The following ADGRD1 variants were observed in gnomAD, a reference collection of about 807,000 sequenced individuals.
ADGRD1 encodes the protein adhesion G protein-coupled receptor D1.
Under a neutral mutation model 113.4 loss-of-function variants are expected in ADGRD1, and 77 were observed. The observed-to-expected ratio is 0.68, with a 90% confidence interval of 0.57 to 0.82. The LOEUF (loss-of-function observed/expected upper bound fraction) is 0.82, where lower values mean the gene tolerates loss of function less well. Ranked by LOEUF, ADGRD1 falls within the 40% of genes least tolerant of loss-of-function variation. The probability of loss-of-function intolerance (pLI) is 0.00; values close to 1 mark genes in which losing one functional copy is unlikely to be tolerated. For synonymous variants in ADGRD1, 474 were observed against 475.0 expected (o/e 1.00, Z 0.03); for missense variants, 1,036 against 1,139.1 (o/e 0.91, Z 1.30).
intron 7 of ADGRD1, among the ~76,000 whole-genome samples, 160 bp from the exon 8 acceptor site, chr12:130,992,077 C>T (rs1406750768): frequency 8.7e-5 from 13 of 149,224 alleles, no homozygotes; most frequent in East Asian, 4.0e-4. Context: ...GCCGAGATTG[C>T]GCCACTGCAC....
rs368967882 is a variant in ADGRD1, at chr12:131,039,655, A to C, written c.1473+25315A>C. Reference sequence around the variant, plus strand: ...CTTTGCCGTTTCAAACATGGGGCGCACCCACCCGAACCCAACCCTGGGGCG... The same window carrying C: ...CTTTGCCGTTTCAAACATGGGGCGCCCCCACCCGAACCCAACCCTGGGGCG... On this transcript the variant is annotated intron_variant, in intron 13 of 24. Coordinates refer to ENST00000261654, the MANE Select transcript of ADGRD1 (RefSeq NM_198827.5). Among the ~76,000 whole-genome samples the C allele has an allele frequency of 1.9e-3, 291 of 152,198 alleles. 2 individuals carry two copies. The highest frequency in any genetic ancestry group is 6.7e-3 in the African/African-American group (280 of 41,524).
chr12:131,097,606 C>A (rs182318127), intron 15 of ADGRD1, among the ~76,000 whole-genome samples: 236 of 152,326 alleles, frequency 1.5e-3, no homozygotes, highest in Non-Finnish European at 2.7e-3. Flanking sequence ...AGTCACAGAT[C>A]CGCCAGGGCC....
Position 130,966,470 on chromosome 12 carries a change from G to A in ADGRD1, c.111G>A (p.Gln37=), listed in dbSNP as rs1871002350. The change falls in exon 3 of 25, where the codon CAG becomes CAA. Residue 37 remains glutamine (Q), a synonymous_variant. Transcript: ENST00000261654. The surrounding 1 kb of genome is among the most constrained non-coding windows in gnomAD (Gnocchi z 4.6). ...YSRSQDHPGF[Q]VLASASHYWP... is the part of the protein sequence containing the mutation. ...TATTCTTTTTTCCCCAAGGATTTCA[G>A]GTGTTGGCGTCTGCTTCCCATTACT... 6.2e-7 allele frequency: 1 copy of A among 1,603,852 alleles called. No homozygotes were observed. The highest frequency in any genetic ancestry group is 8.5e-7 in the Non-Finnish European group (1 of 1,170,622).
chr12:131,141,181 ATTTGTT>A lies in ADGRD1; in HGVS notation c.*1922_*1927del, dbSNP rs1165439996. ...AACTATCTTTAGTTTAGATGGAATT[ATTTGTT>A]TTTAATTGTTGCCGTATTCATCTAT... On this transcript the variant is annotated 3_prime_UTR_variant, in exon 25 of 25. Transcript: ENST00000261654. The A allele has an allele frequency of 6.6e-6, 1 of 152,228 alleles. No homozygotes were observed. Among genetic ancestry groups the A allele is most frequent in the Non-Finnish European group, 1.5e-5 (1 of 68,038 alleles). 9.4% of individuals were successfully genotyped at this position (152,228 alleles called of 1,614,324 possible).
chr12:131,125,720 CTCA>C (rs1423745297), intron 20 of ADGRD1, among the ~76,000 whole-genome samples: 1 of 152,178 alleles, frequency 6.6e-6, no homozygotes, highest in Non-Finnish European at 1.5e-5. Flanking sequence ...TCCTGATAAA[CTCA>C]TCATAAGCAG....
rs191660199 is a variant in ADGRD1 at position 131,048,821 on chromosome 12, C to T, written c.1474-27980C>T. Among the ~76,000 whole-genome samples, 519 of 152,270 alleles carry T rather than the reference C, an allele frequency of 3.4e-3. 3 individuals carry two copies. Among genetic ancestry groups the T allele is most frequent in the African/African-American group, 0.012 (493 of 41,556 alleles). ...GCCAGGTCCCTCCTGAAGGGCTGGG[C>T]GGCAGGGCCTGCTGTCTCCCCTCTC... On this transcript the variant is annotated intron_variant, in intron 13 of 24. Coordinates refer to ENST00000261654, the MANE Select transcript of ADGRD1 (RefSeq NM_198827.5).
chr12:130,997,804 C>T lies in ADGRD1; in HGVS notation c.967-2579C>T, dbSNP rs570841604. Reference sequence around the variant, plus strand: ...GCTCCTCACTTCCCAGACGGGGTGGCGGCCGGGCAGAGGCTGCAATCTCGG... The same window carrying T: ...GCTCCTCACTTCCCAGACGGGGTGGTGGCCGGGCAGAGGCTGCAATCTCGG... On this transcript the variant is annotated intron_variant, in intron 8 of 24. Coordinates refer to ENST00000261654, the MANE Select transcript of ADGRD1 (RefSeq NM_198827.5). 7.9e-4 allele frequency among the ~76,000 whole-genome samples: 120 copies of T among 152,212 alleles called. No homozygotes were observed. In the Middle Eastern group the frequency reaches 0.01, roughly 13 times the overall value.
chr12:131,013,895 T>C (rs2136811606), intron 12 of ADGRD1, among the ~76,000 whole-genome samples: 1 of 152,336 alleles, frequency 6.6e-6, no homozygotes, highest in African/African-American at 2.4e-5. Context: ...TCTTATAAAC[T>C]CTTTGAGGTC....
At chr12:131,077,683 T>C (rs1024911420) in intron 14 of ADGRD1, among the ~76,000 whole-genome samples, 1 of 152,166 alleles carries the variant, frequency 6.6e-6, no homozygotes, top group African/African-American at 2.4e-5. Context: ...CCATGTGGGA[T>C]GCAGGTTGCA....
intron 13 of ADGRD1, among the ~76,000 whole-genome samples, chr12:131,028,315 A>AT: frequency 6.6e-6 from 1 of 151,866 alleles, no homozygotes; most frequent in East Asian, 1.9e-4. Flanking sequence ...TTTCTTACTG[A>AT]TTTTTTAAGG....
At chr12:131,063,981 T>C (rs1005662675) in intron 13 of ADGRD1, among the ~76,000 whole-genome samples, 1 of 152,272 alleles carries the variant, frequency 6.6e-6, no homozygotes, top group Non-Finnish European at 1.5e-5. Context: ...TTTTGTAGTT[T>C]TTGGCATACA....
chr12:131,004,246 C>T lies in ADGRD1; in HGVS notation c.1205C>T (p.Ala402Val). The T allele has an allele frequency of 6.2e-7, 1 of 1,614,040 alleles. No individual in the cohort carries two copies. The change falls in exon 11 of 25, where the codon GCC (alanine) becomes GTC (valine). Residue 402 changes from alanine (A) to valine (V), a missense_variant. By Grantham distance (64) the Ala-to-Val change is moderately conservative. Coordinates refer to ENST00000261654, the MANE Select transcript of ADGRD1 (RefSeq NM_198827.5). ...TVNSSHYRFP[A>V]HGQSFIQIPH... The stretch of plus-strand genomic sequence containing the variant: ...AATTCCTCCCATTACCGCTTCCCGG[C>T]CCACGGGCAGAGCTTCATCCAGATC...
At chr12:131,046,510 C>CCTCCCTGGTCAGTGT (rs1882811924) in intron 13 of ADGRD1, among the ~76,000 whole-genome samples, 1 of 142,580 alleles carries the variant, frequency 7.0e-6, no homozygotes, top group Non-Finnish European at 1.5e-5. Flanking sequence ...GGTCAGTGCC[C>CCTCCCTGGTCAGTGT]CCTCCCTGGT....
At position 131,029,053 on chromosome 12, in the gene ADGRD1, G is replaced by A. The variant is rs147766977; in HGVS notation, c.1473+14713G>A. On this transcript the variant is annotated intron_variant, in intron 13 of 24. Coordinates refer to ENST00000261654, the MANE Select transcript of ADGRD1 (RefSeq NM_198827.5). Reference sequence around the variant, plus strand: ...ACACCTGGTTGTCATTCATAGCTGCGTAGCTTTGGTTATTGGTGAGGCTTC... The same window carrying A: ...ACACCTGGTTGTCATTCATAGCTGCATAGCTTTGGTTATTGGTGAGGCTTC... 4.1e-3 allele frequency among the ~76,000 whole-genome samples: 622 copies of A among 152,320 alleles called. 8 individuals are homozygous for A. Among genetic ancestry groups the A allele is most frequent in the African/African-American group, 0.014 (596 of 41,578 alleles).
At position 131,003,396 on chromosome 12, in the gene ADGRD1, C is replaced by T. The variant is rs994440158; in HGVS notation, c.1144+94C>T. 10 of 883,420 alleles carry T rather than the reference C, an allele frequency of 1.1e-5. No individual in the cohort carries two copies. Among genetic ancestry groups the T allele is most frequent in the Middle Eastern group, 2.7e-4 (1 of 3,660 alleles). 54.7% of individuals were successfully genotyped at this position (883,420 alleles called of 1,614,324 possible). A position where few individuals can be genotyped will look rare whatever the true frequency, so the allele number is the denominator to read the frequency against. On this transcript the variant is annotated intron_variant, in intron 10 of 24. Coordinates refer to ENST00000261654, the MANE Select transcript of ADGRD1 (RefSeq NM_198827.5). This position sits in a 1 kb window ranked among gnomAD's most constrained non-coding sequence, Gnocchi z 4.8. Reference sequence around the variant, plus strand: ...TCTTTTTACACCCTTAGCAGAGAGCCATGCTCTGTCTCCCTGACTGCTCTG... The same window carrying T: ...TCTTTTTACACCCTTAGCAGAGAGCTATGCTCTGTCTCCCTGACTGCTCTG...
At chr12:130,976,380 C>T (rs7298899) in intron 4 of ADGRD1, among the ~76,000 whole-genome samples, 12,120 of 152,186 alleles carry the variant, frequency 0.08, 770 homozygotes, top group African/African-American at 0.18. Context: ...GATGCTGTGG[C>T]ACAGTGTATC....
At chr12:131,088,106 T>A (rs1481309640) in intron 15 of ADGRD1, among the ~76,000 whole-genome samples, 2 of 152,140 alleles carry the variant, frequency 1.3e-5, no homozygotes, top group Admixed American at 6.5e-5. Flanking sequence ...GGCGCAGAGC[T>A]GCCCCCATGG....
At chr12:131,023,823 G>A (rs563735004) in intron 13 of ADGRD1, 1 of 152,228 alleles carries the variant, frequency 6.6e-6, no homozygotes, top group Non-Finnish European at 1.5e-5. Flanking sequence ...AACCCAGAAA[G>A]TTTCTATTTA....
intron 9 of ADGRD1, among the ~76,000 whole-genome samples, chr12:131,001,905 A>G (rs1162541233): frequency 6.6e-6 from 1 of 152,234 alleles, no homozygotes. Flanking sequence ...GTGGCATTTT[A>G]TTCTCTCATT....
Sources: allele counts gnomAD v4.1 joint callset (sites outside exome capture counted in the v4.1 genomes callset), GRCh38; gene constraint gnomAD v4.1.1; non-coding constraint Gnocchi (gnomAD v3.1); transcripts MANE v1.5; gene names NCBI Gene and HGNC (gene_info 2026-07-23, HGNC 2026-07-21).